Variants in OTULIN observed in about 807,000 individuals in gnomAD.
The protein encoded by OTULIN is OTU deubiquitinase with linear linkage specificity, also known as ubiquitin thioesterase otulin.
OTULIN carries 15 observed loss-of-function variants against 39.6 expected under a neutral mutation model. The observed-to-expected ratio is 0.38, with a 90% confidence interval of 0.25 to 0.58. OTULIN has a LOEUF of 0.58. Among genes scored for constraint, OTULIN ranks in the 20% least tolerant of loss-of-function variants. The probability of loss-of-function intolerance (pLI) is 0.66; values close to 1 mark genes in which losing one functional copy is unlikely to be tolerated. For synonymous variants in OTULIN, 156 were observed against 170.3 expected (o/e 0.92, Z 0.65); for missense variants, 319 against 445.9 (o/e 0.72, Z 2.56).
At chr5:14,713,572 C>A in the OTULIN span, 2 of 1,614,186 alleles carry the variant, frequency 1.2e-6, no homozygotes, top group Non-Finnish European at 1.7e-6. This position sits in a 1 kb window ranked among gnomAD's most constrained non-coding sequence, Gnocchi z 4.4. Flanking sequence ...ACGAGGCTGG[C>A]GATGAGGACG....
the OTULIN span, chr5:14,711,401 G>A: frequency 1.8e-6 from 2 of 1,118,508 alleles, no homozygotes; most frequent in Non-Finnish European, 2.7e-6. Flanking sequence ...GGGGTCTTGG[G>A]GGACCCCTCA....
chr5:14,704,484 A>G (rs1298990207), downstream of OTULIN, among the ~76,000 whole-genome samples: 1 of 152,108 alleles, frequency 6.6e-6, no homozygotes, highest in African/African-American at 2.4e-5. Context: ...TGGCATTCCC[A>G]TTTGAGAAGG....
rs79557889 is a variant in OTULIN, at chr5:14,674,720, A to G, written c.229+1002A>G. Among the ~76,000 whole-genome samples the G allele has an allele frequency of 4.5e-3, 688 of 152,230 alleles. 6 individuals are homozygous for G. Among genetic ancestry groups the G allele is most frequent in the African/African-American group, 0.015 (643 of 41,540 alleles). On this transcript the variant is annotated intron_variant, in intron 2 of 6. Transcript: ENST00000284274. ...TAGTGAGCCGTGATTGCATTACTGCACTCCAACCTGGGTAACAGTGAGACC... is the reference window on the plus strand; with the variant it reads ...TAGTGAGCCGTGATTGCATTACTGCGCTCCAACCTGGGTAACAGTGAGACC...
In OTULIN at chr5:14,690,624, A is replaced by G. The variant is rs1375694956; in HGVS notation, c.864+316A>G. 7.2e-5 allele frequency among the ~76,000 whole-genome samples: 11 copies of G among 152,170 alleles called. No homozygotes were observed. The highest frequency in any genetic ancestry group is 6.5e-4 in the Admixed American group (10 of 15,278). Reference sequence around the variant, plus strand: ...ACAGGGCTGCTTGAGTGTCCTTACAACATGGCAGCTGGCTTCTCAGAGTGA... The same window carrying G: ...ACAGGGCTGCTTGAGTGTCCTTACAGCATGGCAGCTGGCTTCTCAGAGTGA... On this transcript the variant is annotated intron_variant, in intron 6 of 6. Coordinates refer to ENST00000284274, the MANE Select transcript of OTULIN (RefSeq NM_138348.6). The surrounding 1 kb of genome is among the most constrained non-coding windows in gnomAD (Gnocchi z 4.5).
chr5:14,703,521 G>C (rs1456306621), downstream of OTULIN, among the ~76,000 whole-genome samples: 1 of 152,134 alleles, frequency 6.6e-6, no homozygotes, highest in Non-Finnish European at 1.5e-5. Context: ...GCGGTGGGGG[G>C]TTGAGGAGGA....
chr5:14,683,078 GT>G (rs1204853201), intron 4 of OTULIN, among the ~76,000 whole-genome samples: 2 of 152,146 alleles, frequency 1.3e-5, no homozygotes, highest in Non-Finnish European at 2.9e-5. Context: ...TTCCATGATT[GT>G]TTAATACACC....
rs751045705 is a variant in OTULIN at position 14,698,113 on chromosome 5, A to AT, written c.*5066dup. On this transcript the variant is annotated 3_prime_UTR_variant, in exon 7 of 7. Coordinates refer to ENST00000284274, the MANE Select transcript of OTULIN (RefSeq NM_138348.6). Reference sequence around the variant, plus strand: ...CTTCTTTCTCATTTCCATTGTTTTTATAAAAATATTTTGGTATTGTTGCCT... The same window carrying AT: ...CTTCTTTCTCATTTCCATTGTTTTTATTAAAAATATTTTGGTATTGTTGCCT... 2.6e-5 allele frequency: 4 copies of AT among 152,222 alleles called. No homozygotes were observed. The highest frequency in any genetic ancestry group is 5.9e-5 in the Non-Finnish European group (4 of 68,022). 9.4% of individuals were successfully genotyped at this position (152,222 alleles called of 1,614,324 possible). A position where few individuals can be genotyped will look rare whatever the true frequency, so the allele number is the denominator to read the frequency against.
chr5:14,713,692 T>C, the OTULIN span: 2 of 1,612,610 alleles, frequency 1.2e-6, no homozygotes, highest in South Asian at 2.2e-5. This position sits in a 1 kb window ranked among gnomAD's most constrained non-coding sequence, Gnocchi z 4.4. Context: ...AAAGGACTCG[T>C]CAGCCGTGCC....
the OTULIN span, among the ~76,000 whole-genome samples, chr5:14,715,196 A>G: frequency 2.0e-5 from 3 of 152,202 alleles, no homozygotes; most frequent in East Asian, 1.9e-4. Context: ...CAGTGGTGCA[A>G]TCTCGACTCA....
intron 6 of OTULIN, among the ~76,000 whole-genome samples, chr5:14,691,775 A>G (rs561591266): frequency 6.6e-6 from 1 of 152,216 alleles, no homozygotes; most frequent in Non-Finnish European, 1.5e-5. Flanking sequence ...CTAGGCAGCC[A>G]CTAATCTACT....
At chr5:14,703,596 G>C (rs1736856440), downstream of OTULIN, among the ~76,000 whole-genome samples, 1 of 152,112 alleles carries the variant, frequency 6.6e-6, no homozygotes, top group African/African-American at 2.4e-5. Context: ...GCATGGGTTG[G>C]GGACGTAGAT....
At chr5:14,665,598 G>A (rs928390038) in intron 1 of OTULIN, among the ~76,000 whole-genome samples, 3 of 152,174 alleles carry the variant, frequency 2.0e-5, no homozygotes, top group African/African-American at 7.2e-5. Context: ...GGGTACGCGT[G>A]GAAGCAGAAT....
At chr5:14,715,880 C>G in the OTULIN span, among the ~76,000 whole-genome samples, 2 of 152,348 alleles carry the variant, frequency 1.3e-5, no homozygotes, top group East Asian at 3.9e-4. Flanking sequence ...TTGTCTCAGC[C>G]ATGGGCAGTT....
At chr5:14,684,634 A>C (rs759893166) in intron 4 of OTULIN, among the ~76,000 whole-genome samples, 9 of 152,182 alleles carry the variant, frequency 5.9e-5, no homozygotes, top group Non-Finnish European at 1.2e-4. Context: ...AGTGTGACTG[A>C]AATAAATCAG....
chr5:14,700,116 C>G (rs1309496633), downstream of OTULIN, among the ~76,000 whole-genome samples: 6 of 152,224 alleles, frequency 3.9e-5, no homozygotes, highest in African/African-American at 7.2e-5. Flanking sequence ...AAACCATTTT[C>G]AGGTCCTTTC....
In OTULIN at chr5:14,699,548, A is replaced by T. The variant is rs1165787396; in HGVS notation, c.*6500A>T. ...TGTCAGAAATGCACTTTCTCCCTCT[A>T]CTTGTCTGAATTACGATGCTCTGCT... On this transcript the variant is annotated 3_prime_UTR_variant, in exon 7 of 7. Transcript: ENST00000284274. 1 of 152,126 alleles carries T rather than the reference A, an allele frequency of 6.6e-6. No individual in the cohort carries two copies. Among genetic ancestry groups the T allele is most frequent in the East Asian group, 1.9e-4 (1 of 5,194 alleles). The allele number at this position is 152,126 out of a possible 1,614,324, so 9.4% of individuals were successfully genotyped here. A position where few individuals can be genotyped will look rare whatever the true frequency, so the allele number is the denominator to read the frequency against.
At chr5:14,665,394 G>A (rs1330296993) in intron 1 of OTULIN, among the ~76,000 whole-genome samples, 2 of 152,218 alleles carry the variant, frequency 1.3e-5, no homozygotes, top group Admixed American at 6.5e-5. Flanking sequence ...TCTTGGAGGC[G>A]ACGTCCCACC....
At chr5:14,671,239 G>A (rs1735971363) in intron 1 of OTULIN, among the ~76,000 whole-genome samples, 1 of 152,146 alleles carries the variant, frequency 6.6e-6, no homozygotes, top group Non-Finnish European at 1.5e-5. Context: ...AAAAGAAAGA[G>A]AACAAAAGTG....
downstream of OTULIN, among the ~76,000 whole-genome samples, chr5:14,702,842 T>G (rs1417896304): frequency 2.6e-5 from 4 of 152,354 alleles, no homozygotes; most frequent in East Asian, 7.7e-4. Context: ...ATCAAGGGTT[T>G]CTGAACCTGA....
Sources: gnomAD v4.1 joint callset for allele counts (sites outside exome capture counted in the v4.1 genomes callset) on GRCh38, gnomAD v4.1.1 for gene constraint, Gnocchi (gnomAD v3.1) non-coding constraint, MANE v1.5 for transcripts, NCBI Gene and HGNC (gene_info 2026-07-23, HGNC 2026-07-21) for gene names.